The following TAB2 variants were observed in gnomAD, a reference collection of about 807,000 sequenced individuals.
TAB2 encodes TGF-beta-activated kinase 1 and MAP3K7-binding protein 2.
TAB2 carries 3 observed loss-of-function variants against 65.0 expected under a neutral mutation model. The observed-to-expected ratio is 0.05, with a 90% CI of 0.02 to 0.12. The LOEUF (loss-of-function observed/expected upper bound fraction) is 0.12, where lower values mean the gene tolerates loss of function less well. Among genes scored for constraint, TAB2 ranks in the 10% least tolerant of loss-of-function variants. TAB2 has a pLI of 1.00. For synonymous variants in TAB2, 298 were observed against 285.1 expected (o/e 1.05, Z -0.46); for missense variants, 623 against 840.3 (o/e 0.74, Z 3.20).
At chr6:149,238,120 A>G (rs904005531) in intron 1 of TAB2, among the ~76,000 whole-genome samples, 2 of 152,034 alleles carry the variant, frequency 1.3e-5, no homozygotes, top group Non-Finnish European at 2.9e-5. Context: ...TCTTTTCACC[A>G]TGGGTAGGGA....
Position 149,354,572 on chromosome 6 carries a change from A to C in TAB2, c.-89-15337A>C, listed in dbSNP as rs182608762. Among the ~76,000 whole-genome samples the C allele has an allele frequency of 4.5e-4, 69 of 152,228 alleles. No individual in the cohort carries two copies. The East Asian group carries it at 0.013, about 28-fold the overall frequency. On this transcript the variant is annotated intron_variant, in intron 1 of 6. Coordinates refer to ENST00000637181, the MANE Select transcript of TAB2 (RefSeq NM_001292034.3). Reference sequence around the variant, plus strand: ...TTTGTGTGTTTTTTATTAGATCAAGAAGGTGTATAATGAAGAGTAAATCTC... The same window carrying C: ...TTTGTGTGTTTTTTATTAGATCAAGCAGGTGTATAATGAAGAGTAAATCTC...
At chr6:149,388,745 C>G (rs1346890639) in intron 3 of TAB2, among the ~76,000 whole-genome samples, 1 of 152,076 alleles carries the variant, frequency 6.6e-6, no homozygotes, top group Non-Finnish European at 1.5e-5. Context: ...GTATTTCTCA[C>G]CTTATGAACT....
chr6:149,291,419 G>C (rs1778774541), intron 1 of TAB2: 1 of 152,230 alleles, frequency 6.6e-6, no homozygotes, highest in African/African-American at 2.4e-5. Context: ...GATCGCTTGA[G>C]CACAAGAGAT....
At chr6:149,259,986 C>T (rs1362653173) in intron 1 of TAB2, among the ~76,000 whole-genome samples, 1 of 152,172 alleles carries the variant, frequency 6.6e-6, no homozygotes, top group East Asian at 1.9e-4. Flanking sequence ...ATAAGACTAC[C>T]AGCCCCCTTT....
At chr6:149,365,011 A>G (rs1451035773) in intron 1 of TAB2, among the ~76,000 whole-genome samples, 1 of 152,020 alleles carries the variant, frequency 6.6e-6, no homozygotes, top group African/African-American at 2.4e-5. Context: ...CCGTTCCAAT[A>G]TGTCTACTTA....
chr6:149,309,429 C>A (rs990393282), intron 1 of TAB2, among the ~76,000 whole-genome samples: 16 of 148,836 alleles, frequency 1.1e-4, no homozygotes, highest in Non-Finnish European at 2.2e-4. Context: ...GAGACAGAGG[C>A]TCTGTCACCC....
chr6:149,346,470 T>G (rs1780305226), intron 1 of TAB2: 1 of 123,318 alleles, frequency 8.1e-6, no homozygotes. Flanking sequence ...TTTTTTTTTT[T>G]GAGACAGAGT....
chr6:149,249,437 CA>C (rs1414015069), intron 1 of TAB2, among the ~76,000 whole-genome samples: 3 of 151,020 alleles, frequency 2.0e-5, no homozygotes, highest in Non-Finnish European at 4.4e-5. Context: ...TCTGTCTCTC[CA>C]TCTCTGTCTC....
At chr6:149,229,621 T>A (rs555232488) in intron 1 of TAB2, among the ~76,000 whole-genome samples, 3 of 152,196 alleles carry the variant, frequency 2.0e-5, no homozygotes, top group African/African-American at 7.2e-5. Flanking sequence ...GCAGGGCACG[T>A]AAAGGAGGCC....
chr6:149,237,347 A>G (rs550357946), intron 1 of TAB2, among the ~76,000 whole-genome samples: 1 of 152,156 alleles, frequency 6.6e-6, no homozygotes, highest in Non-Finnish European at 1.5e-5. Context: ...GAGGCTCCTG[A>G]AGGACTTTCA....
chr6:149,267,677 G>A (rs1247809218), intron 1 of TAB2, among the ~76,000 whole-genome samples: 8 of 151,870 alleles, frequency 5.3e-5, no homozygotes, highest in Admixed American at 2.6e-4. Flanking sequence ...ATCGTTGTGC[G>A]GACATCATAA....
At chr6:149,355,547 A>G (rs1239065981) in intron 1 of TAB2, among the ~76,000 whole-genome samples, 1 of 151,756 alleles carries the variant, frequency 6.6e-6, no homozygotes, top group Non-Finnish European at 1.5e-5. Context: ...GGGACATGTA[A>G]TCCCAGCTTC....
At chr6:149,372,761 A>G (rs901128709) in intron 2 of TAB2, among the ~76,000 whole-genome samples, 1 of 152,218 alleles carries the variant, frequency 6.6e-6, no homozygotes, top group East Asian at 1.9e-4. Flanking sequence ...AGAAAGGAAT[A>G]GGAAGAGCTC....
chr6:149,390,495 T>TA (rs998096114), intron 3 of TAB2, among the ~76,000 whole-genome samples: 16 of 152,146 alleles, frequency 1.1e-4, no homozygotes, highest in Non-Finnish European at 1.5e-4. Context: ...TTATTTACAG[T>TA]AAAAAAATAA....
At chr6:149,239,675 G>A (rs1583039123) in intron 1 of TAB2, among the ~76,000 whole-genome samples, 1 of 152,116 alleles carries the variant, frequency 6.6e-6, no homozygotes, top group Non-Finnish European at 1.5e-5. Context: ...GTTAACAAGG[G>A]GTGAATTATC....
chr6:149,357,430 A>AAAAAAAACAC lies in TAB2; in HGVS notation c.-89-12478_-89-12477insAAAAAACACA. Among the ~76,000 whole-genome samples the AAAAAAAACAC allele has an allele frequency of 3.3e-3, 364 of 111,154 alleles. 3 individuals are homozygous for AAAAAAAACAC. Among genetic ancestry groups the AAAAAAAACAC allele is most frequent in the African/African-American group, 0.012 (353 of 29,178 alleles). 72.9% of individuals were successfully genotyped at this position (111,154 alleles called of 152,430 possible). A position where few individuals can be genotyped will look rare whatever the true frequency, so the allele number is the denominator to read the frequency against. Reference sequence around the variant, plus strand: ...GACTCCGTCTCAAGGAGAAAAAAAAAACACACACACACACACACACACACA... The same window carrying AAAAAAAACAC: ...GACTCCGTCTCAAGGAGAAAAAAAAAAAAAAAACACACACACACACACACACACACACACA... On this transcript the variant is annotated intron_variant, in intron 1 of 6. Transcript: ENST00000637181.
intron 3 of TAB2, among the ~76,000 whole-genome samples, chr6:149,393,884 C>T (rs906132219): frequency 6.6e-6 from 1 of 151,980 alleles, no homozygotes; most frequent in Non-Finnish European, 1.5e-5. Flanking sequence ...TCTAGCTGCC[C>T]TCAAGATTTT....
At chr6:149,323,446 A>G (rs1458392753) in intron 1 of TAB2, among the ~76,000 whole-genome samples, 1 of 152,174 alleles carries the variant, frequency 6.6e-6, no homozygotes, top group Non-Finnish European at 1.5e-5. Context: ...TATCTTTTTA[A>G]GATAATTTCA....
At chr6:149,275,277 AAAGAAAGAAAGAAAGAAAGAAAG>A (rs1388464414) in intron 1 of TAB2, among the ~76,000 whole-genome samples, 15 of 151,110 alleles carry the variant, frequency 9.9e-5, no homozygotes, top group East Asian at 7.8e-4. Context: ...AGAAAGAAAG[AAAGAAAGAAAGAAAGAAAGAAAG>A]AGAAAAAAGA....
Sources: gnomAD v4.1 joint callset for allele counts (sites outside exome capture counted in the v4.1 genomes callset) on GRCh38, gnomAD v4.1.1 for gene constraint, MANE v1.5 for transcripts, NCBI Gene and HGNC (gene_info 2026-07-23, HGNC 2026-07-21) for gene names.